Variants in ETV1 observed in about 807,000 individuals in gnomAD.
ETV1 encodes the protein ETS translocation variant 1.
A neutral mutation model predicts 62.3 loss-of-function variants in ETV1; 27 were observed. The observed-to-expected ratio is 0.43, with a 90% CI of 0.32 to 0.60. The LOEUF is 0.60. ETV1 is among the 20% of genes least tolerant of loss of function. ETV1 has a pLI of 0.06. For synonymous variants in ETV1, 222 were observed against 199.6 expected (o/e 1.11, Z -0.94); for missense variants, 605 against 605.8 (o/e 1.00, Z 0.01).
At chr7:13,978,530 C>T (rs1010028251) in intron 5 of ETV1, among the ~76,000 whole-genome samples, 7 of 151,904 alleles carry the variant, frequency 4.6e-5, no homozygotes, top group Non-Finnish European at 4.4e-5. Context: ...ATTAGTGTTA[C>T]GTAATACTGA....
chr7:13,939,663 A>G (rs1032091074), intron 6 of ETV1, among the ~76,000 whole-genome samples: 18 of 152,232 alleles, frequency 1.2e-4, no homozygotes, highest in Non-Finnish European at 1.5e-5. Context: ...AAAGGAAAAT[A>G]TATCAACTGC....
At chr7:13,940,363 A>AAAAAAAAAG (rs150976778) in intron 6 of ETV1, among the ~76,000 whole-genome samples, 8 of 146,398 alleles carry the variant, frequency 5.5e-5, no homozygotes, top group Admixed American at 6.9e-5. Context: ...CTCCACCTCA[A>AAAAAAAAAG]AAAAAAAAGA....
At chr7:13,946,143 T>C (rs1479645620) in intron 6 of ETV1, among the ~76,000 whole-genome samples, 1 of 152,194 alleles carries the variant, frequency 6.6e-6, no homozygotes, top group Admixed American at 6.5e-5. Context: ...TTCAAAATGA[T>C]ATTATATTTT....
intron 9 of ETV1, among the ~76,000 whole-genome samples, chr7:13,920,732 T>G (rs1427052561): frequency 6.6e-6 from 1 of 152,166 alleles, no homozygotes; most frequent in Non-Finnish European, 1.5e-5. Flanking sequence ...TGCCACTTAC[T>G]GTAACTGTAG....
intron 6 of ETV1, among the ~76,000 whole-genome samples, chr7:13,956,245 C>T (rs1232538517): frequency 1.3e-5 from 2 of 152,052 alleles, no homozygotes; most frequent in African/African-American, 4.8e-5. Flanking sequence ...TCCAGAAGGC[C>T]TTCTTAAATG....
At chr7:13,902,016 T>G (rs984604701) in intron 12 of ETV1, among the ~76,000 whole-genome samples, 9 of 152,250 alleles carry the variant, frequency 5.9e-5, no homozygotes, top group African/African-American at 1.9e-4. Context: ...GTATACAGAA[T>G]AGTGTAGCTT....
chr7:13,964,877 G>A (rs1020608917), intron 6 of ETV1, among the ~76,000 whole-genome samples: 21 of 152,212 alleles, frequency 1.4e-4, no homozygotes, highest in East Asian at 3.9e-4. Context: ...ATCATGAAGA[G>A]CCTGATAATC....
intron 13 of ETV1, among the ~76,000 whole-genome samples, chr7:13,899,800 G>C (rs1022670654): frequency 1.3e-5 from 2 of 152,032 alleles, no homozygotes; most frequent in African/African-American, 2.4e-5. Flanking sequence ...TTTATTTTAA[G>C]TGTAATTCAC....
At position 13,961,859 on chromosome 7, in the gene ETV1, T is replaced by C. The variant is rs114304371; in HGVS notation, c.235+15568A>G. Among the ~76,000 whole-genome samples, 1,016 of 152,262 alleles carry C rather than the reference T, an allele frequency of 6.7e-3. 14 individuals carry two copies. The highest frequency in any genetic ancestry group is 0.023 in the African/African-American group (971 of 41,562). On this transcript the variant is annotated intron_variant, in intron 6 of 13. Coordinates refer to ENST00000430479, the MANE Select transcript of ETV1 (RefSeq NM_004956.5). ...AACACTTCTTAGTTTCTTCTAACAG[T>C]ATCATTACAGATATACACTGAACTA...
chr7:13,990,959 A>G (rs554987959), upstream of ETV1, among the ~76,000 whole-genome samples: 9 of 152,108 alleles, frequency 5.9e-5, no homozygotes, highest in Non-Finnish European at 1.2e-4. Context: ...AGCGCACAGC[A>G]CTCAACCCCG....
rs1425192008 is a variant in ETV1, at chr7:13,893,714, A to G, written c.*2152T>C. On this transcript the variant is annotated 3_prime_UTR_variant, in exon 14 of 14. Coordinates refer to ENST00000430479, the MANE Select transcript of ETV1 (RefSeq NM_004956.5). Reference sequence around the variant, plus strand: ...AGACTCACTTAAATTTTCTCCTTCAATTTCACCAAATCTCAATTATATATC... The same window carrying G: ...AGACTCACTTAAATTTTCTCCTTCAGTTTCACCAAATCTCAATTATATATC... 4 of 232,732 alleles carry G rather than the reference A, an allele frequency of 1.7e-5. No individual in the cohort carries two copies. The highest frequency in any genetic ancestry group is 5.6e-5 in the Admixed American group (1 of 17,766). 14.4% of individuals were successfully genotyped at this position (232,732 alleles called of 1,614,324 possible).
At chr7:13,911,046 A>ACTCATGTT (rs1170787657) in intron 10 of ETV1, among the ~76,000 whole-genome samples, 193 bp downstream of exon 10, 4 of 152,190 alleles carry the variant, frequency 2.6e-5, no homozygotes, top group African/African-American at 9.6e-5. Flanking sequence ...TACGCATATG[A>ACTCATGTT]CTCATGTTAA....
intron 6 of ETV1, among the ~76,000 whole-genome samples, chr7:13,956,228 A>G (rs1175773508): frequency 6.6e-6 from 1 of 152,186 alleles, no homozygotes; most frequent in Non-Finnish European, 1.5e-5. Flanking sequence ...CACCCTATTT[A>G]TAATAATCCA....
intron 4 of ETV1, among the ~76,000 whole-genome samples, chr7:13,987,682 C>G (rs113631106): frequency 6.6e-6 from 1 of 152,082 alleles, no homozygotes; most frequent in Non-Finnish European, 1.5e-5. Context: ...CAAACAATCA[C>G]TAATACTGTT....
Position 13,896,224 on chromosome 7 carries a change from A to C in ETV1, c.1213-137T>G, listed in dbSNP as rs573957019. ...TGGCCCAAAAAAGCAAACAACTAAT[A>C]GCAGATACACATAAAAAAAAAAAAG... On this transcript the variant is annotated intron_variant, in intron 13 of 13. Coordinates refer to ENST00000430479, the MANE Select transcript of ETV1 (RefSeq NM_004956.5). 6.7e-6 allele frequency: 4 copies of C among 596,210 alleles called. No individual in the cohort carries two copies. The East Asian group carries it at 1.1e-4, about 16-fold the overall frequency. The allele number at this position is 596,210 out of a possible 1,614,324, so 36.9% of individuals were successfully genotyped here.
intron 5 of ETV1, among the ~76,000 whole-genome samples, chr7:13,981,129 A>G (rs1483895109): frequency 6.6e-6 from 1 of 152,088 alleles, no homozygotes; most frequent in Non-Finnish European, 1.5e-5. Flanking sequence ...GAAGAATTAC[A>G]AATAAAACAA....
intron 9 of ETV1, among the ~76,000 whole-genome samples, chr7:13,930,403 C>G (rs912808048): frequency 3.3e-5 from 5 of 151,932 alleles, no homozygotes; most frequent in Non-Finnish European, 7.4e-5. Context: ...CTCACTGCAA[C>G]CTCCACCTCC....
At chr7:13,952,476 G>A (rs530299585) in intron 6 of ETV1, among the ~76,000 whole-genome samples, 1 of 152,232 alleles carries the variant, frequency 6.6e-6, no homozygotes, top group East Asian at 1.9e-4. Context: ...AGCAAAGGGT[G>A]GCAACCAATG....
Position 13,895,869 on chromosome 7 carries a change from A to C in ETV1, c.1431T>G (p.Tyr477Ter), listed in dbSNP as rs1213250048. 3 of 1,612,448 alleles carry C rather than the reference A, an allele frequency of 1.9e-6. No individual in the cohort carries two copies. The highest frequency in any genetic ancestry group is 1.7e-5 in the Admixed American group (1 of 59,888). The change falls in exon 14 of 14, where the codon TAT becomes TAG. Residue 477 changes from tyrosine to a stop codon, truncating the protein, a stop_gained. Coordinates refer to ENST00000430479, the MANE Select transcript of ETV1 (RefSeq NM_004956.5). LOFTEE classifies it high-confidence loss of function. Reference sequence around the variant, plus strand: ...CCCTGCTTGACTGTCACTTGTGTTAATACACGTAGCCTTCGTTGTAGGGGT... The same window carrying C: ...CCCTGCTTGACTGTCACTTGTGTTACTACACGTAGCCTTCGTTGTAGGGGT... ...NPHPYNEGYVY is the reference protein window; with the variant it reads ...NPHPYNEGYV
Sources: allele counts gnomAD v4.1 joint callset (sites outside exome capture counted in the v4.1 genomes callset), GRCh38; gene constraint gnomAD v4.1.1; transcripts MANE v1.5; gene names NCBI Gene and HGNC (gene_info 2026-07-23, HGNC 2026-07-21).